The following ATF7IP variants were observed in gnomAD, a reference collection of about 807,000 sequenced individuals.
The protein encoded by ATF7IP is activating transcription factor 7-interacting protein 1.
In ATF7IP, 23 loss-of-function variants were observed where a neutral mutation model predicts 106.4. The ratio of observed to expected loss-of-function variants is 0.22; its 90% CI spans 0.16 to 0.31. The LOEUF (loss-of-function observed/expected upper bound fraction) is 0.31, where lower values mean the gene tolerates loss of function less well. Among genes scored for constraint, ATF7IP ranks in the 10% least tolerant of loss-of-function variants. The pLI, the probability that ATF7IP is intolerant of heterozygous loss-of-function variation, is 1.00. For missense variants in ATF7IP, 1,334 were observed against 1,524.3 expected, an observed-to-expected ratio of 0.88 and a Z score of 2.08; for synonymous variants, 542 against 539.0, an observed-to-expected ratio of 1.01 and a Z score of -0.08.
At chr12:14,389,275 T>C (rs1939416563) in intron 1 of ATF7IP, among the ~76,000 whole-genome samples, 1 of 152,228 alleles carries the variant, frequency 6.6e-6, no homozygotes, top group Non-Finnish European at 1.5e-5. Flanking sequence ...TTTGTAGTAC[T>C]GGGTCCTACT....
At chr12:14,418,995 G>C (rs972578867) in intron 1 of ATF7IP, 7 of 152,014 alleles carry the variant, frequency 4.6e-5, no homozygotes, top group Admixed American at 2.0e-4. Context: ...ATTTGTCTTA[G>C]ACTCTTTAGT....
intron 1 of ATF7IP, among the ~76,000 whole-genome samples, chr12:14,407,775 CTTAA>C (rs200691325): frequency 0.016 from 2,365 of 152,122 alleles, 24 homozygotes; most frequent in Non-Finnish European, 0.019. Context: ...ATTATTTTAA[CTTAA>C]TTGAGAAAAT....
Position 14,424,222 on chromosome 12 carries a change from C to A in ATF7IP, c.307C>A (p.Gln103Lys), listed in dbSNP as rs1591831301. The A allele has an allele frequency of 1.9e-6, 3 of 1,614,176 alleles. No individual in the cohort carries two copies. The highest frequency in any genetic ancestry group is 1.6e-4 in the Middle Eastern group (1 of 6,062). The change falls in exon 2 of 15, where the codon CAG becomes AAG. Residue 103 changes from glutamine to lysine, a missense_variant. Transcript: ENST00000261168. ...CCTAAGTGTTAATGTAAAAAACAAG[C>A]AGGATGATGATTTAAATTGTGAACC... ...CILSVNVKNK[Q>K]DDDLNCEPLS...
Position 14,478,490 on chromosome 12 carries a change from T to C in ATF7IP, c.3097+18T>C. 6.2e-7 allele frequency: 1 copy of C among 1,613,500 alleles called. No individual in the cohort carries two copies. The highest frequency in any genetic ancestry group is 8.5e-7 in the Non-Finnish European group (1 of 1,179,586). The stretch of plus-strand genomic sequence containing the variant: ...ACCTACAGGTAAATTTGTTGAATCA[T>C]TGAGTAGAAGCTTTGGTTTTGCCTG... On this transcript the variant is annotated intron_variant, in intron 12 of 14. Transcript: ENST00000261168.
intron 1 of ATF7IP, among the ~76,000 whole-genome samples, chr12:14,412,846 T>C (rs1348854379): frequency 6.6e-6 from 1 of 152,116 alleles, no homozygotes; most frequent in Non-Finnish European, 1.5e-5. Flanking sequence ...AAACCCCGTC[T>C]CTACTAAAAA....
intron 1 of ATF7IP, among the ~76,000 whole-genome samples, chr12:14,369,819 G>C (rs1485482466): frequency 6.6e-6 from 1 of 151,658 alleles, no homozygotes; most frequent in Non-Finnish European, 1.5e-5. Context: ...ATTTCTTATT[G>C]CTTTGGTAGC....
intron 1 of ATF7IP, among the ~76,000 whole-genome samples, chr12:14,423,439 A>T (rs1479897462): frequency 1.3e-5 from 2 of 151,968 alleles, no homozygotes; most frequent in African/African-American, 4.8e-5. Flanking sequence ...TGCCAATCTA[A>T]GTATGCTTGG....
intron 1 of ATF7IP, among the ~76,000 whole-genome samples, chr12:14,394,024 C>T (rs1283484281): frequency 6.6e-6 from 1 of 152,132 alleles, no homozygotes; most frequent in Non-Finnish European, 1.5e-5. Flanking sequence ...GGTTTTTATA[C>T]TCAGCACATG....
chr12:14,453,926 G>A (rs556761519), intron 6 of ATF7IP, among the ~76,000 whole-genome samples: 5 of 152,068 alleles, frequency 3.3e-5, no homozygotes, highest in Admixed American at 6.6e-5. Context: ...GGCCTGGCCA[G>A]AGTGTCTTAA....
At position 14,478,611 on chromosome 12, in the gene ATF7IP, G is replaced by C. The variant is rs1054104944; in HGVS notation, c.3097+139G>C. The C allele has an allele frequency of 1.6e-5, 15 of 939,980 alleles. No individual in the cohort carries two copies. The African/African-American group carries it at 2.1e-4, about 13-fold the overall frequency. 58.2% of individuals were successfully genotyped at this position (939,980 alleles called of 1,614,324 possible). A position where few individuals can be genotyped will look rare whatever the true frequency, so the allele number is the denominator to read the frequency against. ...GGACTACAGTGCATGTCCTTTTGAA[G>C]GCAGTATAACTTAGTTTTTCTGACT... On this transcript the variant is annotated intron_variant, in intron 12 of 14. Transcript: ENST00000261168.
intron 6 of ATF7IP, among the ~76,000 whole-genome samples, chr12:14,449,269 G>T (rs980029198): frequency 6.6e-6 from 1 of 151,858 alleles, no homozygotes. Flanking sequence ...GGAATTTTAT[G>T]GTTTTAGGTC....
At chr12:14,398,258 G>GT (rs1346753431) in intron 1 of ATF7IP, among the ~76,000 whole-genome samples, 2 of 151,322 alleles carry the variant, frequency 1.3e-5, no homozygotes, top group Non-Finnish European at 3.0e-5. Flanking sequence ...TTGAGTTTGT[G>GT]TTTTTTGTTA....
intron 13 of ATF7IP, chr12:14,482,664 C>T (rs1455731459): frequency 6.6e-6 from 1 of 152,170 alleles, no homozygotes; most frequent in Non-Finnish European, 1.5e-5. Flanking sequence ...AGCCCACTGA[C>T]TCAAATGTTA....
chr12:14,452,989 T>C (rs920770283), intron 6 of ATF7IP, among the ~76,000 whole-genome samples: 7 of 152,174 alleles, frequency 4.6e-5, no homozygotes, highest in African/African-American at 1.7e-4. Flanking sequence ...GTATTCTTGA[T>C]TGGCAGGTCT....
rs201842187 is a variant in ATF7IP, at chr12:14,456,542, A to AT, written c.1996-10dup. 928 of 1,570,820 alleles carry AT rather than the reference A, an allele frequency of 5.9e-4. 1 individual carries two copies. The highest frequency in any genetic ancestry group is 9.8e-4 in the African/African-American group (72 of 73,768). ...TGTGTTGAGTTTTATTTTTACCTTG[A>AT]TTTTTTTTTCTCCCCCAGCATCCAC... On this transcript the variant is annotated intron_variant, in intron 6 of 14. Coordinates refer to ENST00000261168, the MANE Select transcript of ATF7IP (RefSeq NM_018179.5).
chr12:14,490,752 G>A (rs1317830313), intron 13 of ATF7IP, among the ~76,000 whole-genome samples: 2 of 152,112 alleles, frequency 1.3e-5, no homozygotes, highest in Non-Finnish European at 2.9e-5. Context: ...ACGGGCATTT[G>A]AGCCACTCCT....
At position 14,414,583 on chromosome 12, in the gene ATF7IP, A is replaced by C. The variant is rs78284774; in HGVS notation, c.-7-9326A>C. Among the ~76,000 whole-genome samples, 181 of 152,346 alleles carry C rather than the reference A, an allele frequency of 1.2e-3. 2 individuals carry two copies. The highest frequency in any genetic ancestry group is 2.0e-3 in the Non-Finnish European group (137 of 68,028). ...GGACACCCTAGCTAAAAGCTATTGT[A>C]TACTGTATATCTCTGTCATATTGGT... is the stretch of plus-strand genomic sequence containing the variant. On this transcript the variant is annotated intron_variant, in intron 1 of 14. Transcript: ENST00000261168.
rs527658041 is a variant in ATF7IP at position 14,501,571 on chromosome 12, T to C, written c.*3498T>C. 6.6e-6 allele frequency: 1 copy of C among 152,268 alleles called. No homozygotes were observed. Among genetic ancestry groups the C allele is most frequent in the East Asian group, 1.9e-4 (1 of 5,182 alleles). 9.4% of individuals were successfully genotyped at this position (152,268 alleles called of 1,614,324 possible). A position where few individuals can be genotyped will look rare whatever the true frequency, so the allele number is the denominator to read the frequency against. ...TCTCTGGACTCATTTTTAAAAAATATGCCGAATACTGCATACTGTTTAAGG... is the reference window on the plus strand; with the variant it reads ...TCTCTGGACTCATTTTTAAAAAATACGCCGAATACTGCATACTGTTTAAGG... On this transcript the variant is annotated 3_prime_UTR_variant, in exon 15 of 15. Transcript: ENST00000261168.
intron 6 of ATF7IP, among the ~76,000 whole-genome samples, chr12:14,449,407 G>A (rs901463847): frequency 1.3e-5 from 2 of 152,022 alleles, no homozygotes; most frequent in South Asian, 2.1e-4. Context: ...TCCTTATCCC[G>A]TTGTGTGGTT....
Sources: gnomAD v4.1 joint callset for allele counts (sites outside exome capture counted in the v4.1 genomes callset) on GRCh38, gnomAD v4.1.1 for gene constraint, MANE v1.5 for transcripts, NCBI Gene and HGNC (gene_info 2026-07-23, HGNC 2026-07-21) for gene names.